The following XYLT1 variants were observed in gnomAD, a reference collection of about 807,000 sequenced individuals.
The protein encoded by XYLT1 is xylosyltransferase 1.
In XYLT1, 36 loss-of-function variants were observed where a neutral mutation model predicts 91.3. That is an observed-to-expected ratio of 0.39 (90% confidence interval 0.30 to 0.52). XYLT1 has a LOEUF of 0.52. XYLT1 is among the 20% of genes least tolerant of loss of function. XYLT1 has a pLI of 0.68. For synonymous variants in XYLT1, 588 were observed against 532.0 expected, an observed-to-expected ratio of 1.11 and a Z score of -1.45; for missense variants, 1,242 against 1,284.5, an observed-to-expected ratio of 0.97 and a Z score of 0.51.
intron 3 of XYLT1, among the ~76,000 whole-genome samples, chr16:17,239,189 A>G (rs1426812775): frequency 6.6e-6 from 1 of 152,004 alleles, no homozygotes; most frequent in East Asian, 1.9e-4. Context: ...GCAGACTTGG[A>G]CCCCTGTAAT....
At chr16:17,207,722 G>A (rs1027690008) in intron 3 of XYLT1, among the ~76,000 whole-genome samples, 3 of 152,152 alleles carry the variant, frequency 2.0e-5, no homozygotes, top group Non-Finnish European at 4.4e-5. Flanking sequence ...ATCAGTCAAC[G>A]GCCCAGACTG....
chr16:17,358,710 C>G (rs967454371), intron 1 of XYLT1, among the ~76,000 whole-genome samples: 1 of 152,086 alleles, frequency 6.6e-6, no homozygotes, highest in African/African-American at 2.4e-5. Context: ...GTATCCAAAC[C>G]CTCTATAAGG....
At position 17,115,589 on chromosome 16, in the gene XYLT1, G is replaced by A. The variant is rs77613377; in HGVS notation, c.2557+2057C>T. On this transcript the variant is annotated intron_variant, in intron 11 of 11. Coordinates refer to ENST00000261381, the MANE Select transcript of XYLT1 (RefSeq NM_022166.4). ...CGCCTCACAGGTTCAAACGATTCTCGTGCCTCAGCCTCCCAAGTAGCTGGG... is the reference window on the plus strand; with the variant it reads ...CGCCTCACAGGTTCAAACGATTCTCATGCCTCAGCCTCCCAAGTAGCTGGG... 5.7e-3 allele frequency among the ~76,000 whole-genome samples: 861 copies of A among 150,092 alleles called. 35 individuals carry two copies. The East Asian group carries it at 0.073, about 13-fold the overall frequency.
At chr16:17,228,535 C>T (rs763004574) in intron 3 of XYLT1, among the ~76,000 whole-genome samples, 132 of 152,192 alleles carry the variant, frequency 8.7e-4, no homozygotes, top group Non-Finnish European at 1.4e-3. Context: ...TGTCCTGTCT[C>T]AAGCAGCCAA....
At chr16:17,372,247 C>T (rs900635705) in intron 1 of XYLT1, among the ~76,000 whole-genome samples, 5 of 152,212 alleles carry the variant, frequency 3.3e-5, no homozygotes, top group African/African-American at 1.2e-4. Context: ...ATTTCACATG[C>T]TAACTGTGTT....
intron 2 of XYLT1, among the ~76,000 whole-genome samples, chr16:17,283,648 T>C (rs2034091275): frequency 1.3e-5 from 2 of 152,176 alleles, no homozygotes; most frequent in South Asian, 4.1e-4. Flanking sequence ...TTGAAATGTA[T>C]AAAGGGCTCC....
At chr16:17,409,724 A>T (rs1037613372) in intron 1 of XYLT1, among the ~76,000 whole-genome samples, 2 of 151,552 alleles carry the variant, frequency 1.3e-5, no homozygotes, top group Non-Finnish European at 1.5e-5. Flanking sequence ...TAATTTTTGT[A>T]TGTTTAGTAG....
intron 3 of XYLT1, among the ~76,000 whole-genome samples, chr16:17,232,352 G>A (rs992748170): frequency 9.9e-5 from 14 of 141,876 alleles, no homozygotes; most frequent in South Asian, 8.8e-4. Context: ...GCAGTCCACC[G>A]TTGACTGAAA....
intron 2 of XYLT1, among the ~76,000 whole-genome samples, chr16:17,316,823 ATT>A (rs879309501): frequency 7.6e-5 from 10 of 131,210 alleles, no homozygotes; most frequent in Non-Finnish European, 6.6e-5. Context: ...CCACAGGCAG[ATT>A]TTTTTTTTTT....
In XYLT1 at chr16:17,351,749, T is replaced by TGGC. The variant is rs1555499396; in HGVS notation, c.402+6262_402+6263insGCC. Among the ~76,000 whole-genome samples, 129 of 134,910 alleles carry TGGC rather than the reference T, an allele frequency of 9.6e-4. 6 individuals carry two copies. The highest frequency in any genetic ancestry group is 3.7e-3 in the African/African-American group (121 of 32,518). The allele number at this position is 134,910 out of a possible 152,430, so 88.5% of individuals were successfully genotyped here. On this transcript the variant is annotated intron_variant, in intron 2 of 11. Coordinates refer to ENST00000261381, the MANE Select transcript of XYLT1 (RefSeq NM_022166.4). ...CTACTGACATTTGAGGCTTTTTTTTTGGGGGGGGGTGCTTTCCTGTGCATT... is the reference window on the plus strand; with the variant it reads ...CTACTGACATTTGAGGCTTTTTTTTTGGCGGGGGGGGGTGCTTTCCTGTGCATT...
chr16:17,129,818 G>A (rs1179975582), intron 9 of XYLT1, among the ~76,000 whole-genome samples: 1 of 152,212 alleles, frequency 6.6e-6, no homozygotes, highest in Non-Finnish European at 1.5e-5. Flanking sequence ...AGTCATGAAA[G>A]AGCCAGTGGT....
chr16:17,444,741 G>C (rs2036572965), intron 1 of XYLT1, among the ~76,000 whole-genome samples: 2 of 152,168 alleles, frequency 1.3e-5, no homozygotes, highest in South Asian at 4.1e-4. Context: ...GGAATGAATG[G>C]ATGAAGGACA....
chr16:17,466,902 G>A (rs565205345), intron 1 of XYLT1, among the ~76,000 whole-genome samples: 1 of 149,962 alleles, frequency 6.7e-6, no homozygotes, highest in Admixed American at 6.6e-5. Flanking sequence ...AAAAAAAAAC[G>A]AACCATCAAT....
At chr16:17,288,362 T>C (rs1216132860) in intron 2 of XYLT1, among the ~76,000 whole-genome samples, 1 of 151,960 alleles carries the variant, frequency 6.6e-6, no homozygotes, top group Non-Finnish European at 1.5e-5. Flanking sequence ...ATAACTTAGC[T>C]ATACAGTTTC....
intron 2 of XYLT1, among the ~76,000 whole-genome samples, chr16:17,260,301 G>T (rs1045423798): frequency 6.6e-6 from 1 of 152,138 alleles, no homozygotes; most frequent in African/African-American, 2.4e-5. Flanking sequence ...TTGATCAGTC[G>T]AATGATCAAA....
chr16:17,419,077 G>A (rs1489498028), intron 1 of XYLT1, among the ~76,000 whole-genome samples: 1 of 152,004 alleles, frequency 6.6e-6, no homozygotes, highest in Non-Finnish European at 1.5e-5. Context: ...CAATTTAGCA[G>A]TAAGCACGCA....
rs1723508026 is a variant in XYLT1, at chr16:17,373,697, CT to C, written c.364-15648del. On this transcript the variant is annotated intron_variant, in intron 1 of 11. Transcript: ENST00000261381. ...TTAAGGAATGGACTCCTATTAGCCT[CT>C]ATTTACAGATGAGGGACCTGGGCTC... Among the ~76,000 whole-genome samples the C allele has an allele frequency of 2.6e-5, 4 of 152,332 alleles. No homozygotes were observed. The South Asian group carries it at 8.3e-4, about 32-fold the overall frequency.
chr16:17,278,977 G>A (rs564601628), intron 2 of XYLT1, among the ~76,000 whole-genome samples: 8 of 152,290 alleles, frequency 5.3e-5, no homozygotes, highest in African/African-American at 1.9e-4. Context: ...GAAGAGAAGC[G>A]AAATTTGCCT....
At chr16:17,345,140 T>C (rs1036080184) in intron 2 of XYLT1, among the ~76,000 whole-genome samples, 2 of 152,176 alleles carry the variant, frequency 1.3e-5, no homozygotes, top group African/African-American at 4.8e-5. Context: ...TTAGAAGATG[T>C]CTCAGCCTCT....
Sources: allele counts gnomAD v4.1 joint callset (sites outside exome capture counted in the v4.1 genomes callset), GRCh38; gene constraint gnomAD v4.1.1; transcripts MANE v1.5; gene names NCBI Gene and HGNC (gene_info 2026-07-23, HGNC 2026-07-21).